Variants in ABAT observed in about 807,000 individuals in gnomAD.
ABAT encodes the protein 4-aminobutyrate aminotransferase, mitochondrial.
A neutral mutation model predicts 64.6 loss-of-function variants in ABAT; 45 were observed. That is an observed-to-expected ratio of 0.70 (90% CI 0.55 to 0.89). ABAT has a LOEUF of 0.89. ABAT is among the 40% of genes least tolerant of loss of function. ABAT has a pLI of 0.00. For missense variants in ABAT, 633 were observed against 658.4 expected (o/e 0.96, Z 0.42); for synonymous variants, 297 against 250.5 (o/e 1.19, Z -1.75).
chr16:8,739,475 T>TG (rs1221970660), intron 2 of ABAT, among the ~76,000 whole-genome samples: 1 of 152,196 alleles, frequency 6.6e-6, no homozygotes, highest in Non-Finnish European at 1.5e-5. Context: ...ACCAACACTT[T>TG]GGGAGGCTGA....
chr16:8,734,874 A>T (rs2142379400), intron 1 of ABAT, among the ~76,000 whole-genome samples: 1 of 152,190 alleles, frequency 6.6e-6, no homozygotes, highest in Non-Finnish European at 1.5e-5. Flanking sequence ...ATAAAAGGAA[A>T]CAAACTGGGG....
At chr16:8,679,284 GT>G (rs2057275860) in intron 1 of ABAT, among the ~76,000 whole-genome samples, 1 of 152,174 alleles carries the variant, frequency 6.6e-6, no homozygotes, top group African/African-American at 2.4e-5. Context: ...TCAGCTTTGA[GT>G]TTGCTGATAG....
rs1459154460 is a variant in ABAT at position 8,768,344 on chromosome 16, C to T, written c.667+88C>T. The T allele has an allele frequency of 5.3e-6, 7 of 1,326,316 alleles. No homozygotes were observed. In the East Asian group the frequency reaches 1.6e-4, roughly 31 times the overall value. 82.2% of individuals were successfully genotyped at this position (1,326,316 alleles called of 1,614,324 possible). ...AGCGGCGGCTGACATTAGCAGTTTACACATATTGTCCCACTGATTGCACAC... is the reference window on the plus strand; with the variant it reads ...AGCGGCGGCTGACATTAGCAGTTTATACATATTGTCCCACTGATTGCACAC... On this transcript the variant is annotated intron_variant, in intron 10 of 15. Coordinates refer to ENST00000268251, the MANE Select transcript of ABAT (RefSeq NM_020686.6).
chr16:8,753,092 CT>C (rs768032745), intron 5 of ABAT, among the ~76,000 whole-genome samples: 4,001 of 127,526 alleles, frequency 0.031, 141 homozygotes, highest in African/African-American at 0.09. Context: ...CAAGCTTATT[CT>C]TTTTTTTTTT....
chr16:8,710,723 A>G (rs7499025), intron 1 of ABAT, among the ~76,000 whole-genome samples: 21,006 of 64,578 alleles, frequency 0.33, 2,297 homozygotes, highest in Middle Eastern at 0.47. Context: ...AGAGAGAGAG[A>G]GAGAGAGGAA....
intron 2 of ABAT, among the ~76,000 whole-genome samples, chr16:8,739,904 A>G (rs1294067478): frequency 6.6e-6 from 1 of 151,256 alleles, no homozygotes; most frequent in African/African-American, 2.4e-5. Flanking sequence ...CTTTTGACTT[A>G]TTGATTTGGG....
intron 8 of ABAT, among the ~76,000 whole-genome samples, chr16:8,765,113 C>T (rs1326529675): frequency 6.6e-6 from 1 of 152,108 alleles, no homozygotes; most frequent in African/African-American, 2.4e-5. Flanking sequence ...GGGCAGATCA[C>T]TTGAGCCCAG....
rs539748102 is a variant in ABAT, at chr16:8,748,109, A to C, written c.170A>C (p.Glu57Ala). The C allele has an allele frequency of 3.7e-6, 6 of 1,613,552 alleles. No individual in the cohort carries two copies. Among genetic ancestry groups the C allele is most frequent in the Admixed American group, 1.7e-5 (1 of 60,006 alleles). The part of the protein sequence containing the change: ...KTEVPGPRSQ[E>A]LMKQLNIIQN... Reference sequence around the variant, plus strand: ...TGCTTTTGTTGTTCTTGCCTGCAGGAGTTAATGAAACAGCTGAATATAATT... The same window carrying C: ...TGCTTTTGTTGTTCTTGCCTGCAGGCGTTAATGAAACAGCTGAATATAATT... Residue 57 changes from glutamate to alanine, a missense_variant and splice_region_variant, in exon 4 of 16, where the codon GAG becomes GCG. Transcript: ENST00000268251.
intron 3 of ABAT, among the ~76,000 whole-genome samples, 157 bp downstream of exon 3, chr16:8,746,255 A>G (rs879728023): frequency 6.6e-6 from 1 of 152,130 alleles, no homozygotes; most frequent in Non-Finnish European, 1.5e-5. Flanking sequence ...CCATTTTGCC[A>G]TACAAAGCCA....
intron 5 of ABAT, among the ~76,000 whole-genome samples, chr16:8,757,479 C>A (rs759708818): frequency 6.6e-6 from 1 of 152,000 alleles, no homozygotes; most frequent in Non-Finnish European, 1.5e-5. Context: ...ATTTATCTCA[C>A]CTTATGTTTA....
intron 1 of ABAT, among the ~76,000 whole-genome samples, chr16:8,681,294 A>G (rs2057327363): frequency 6.6e-6 from 1 of 151,358 alleles, no homozygotes; most frequent in Non-Finnish European, 1.5e-5. Context: ...CCTGGCCCAG[A>G]GTTCTTTATA....
At chr16:8,702,139 A>G (rs1180427622) in intron 1 of ABAT, among the ~76,000 whole-genome samples, 1 of 152,170 alleles carries the variant, frequency 6.6e-6, no homozygotes, top group Non-Finnish European at 1.5e-5. Context: ...CTGTACAGGA[A>G]GTATAGCAGC....
At chr16:8,733,519 C>G (rs1365054604) in intron 1 of ABAT, among the ~76,000 whole-genome samples, 4 of 151,900 alleles carry the variant, frequency 2.6e-5, no homozygotes, top group Admixed American at 1.3e-4. Flanking sequence ...GAGATCACGC[C>G]GCTGCACTCC....
intron 5 of ABAT, among the ~76,000 whole-genome samples, chr16:8,751,999 C>G (rs558493410): frequency 4.6e-5 from 7 of 152,350 alleles, no homozygotes; most frequent in Admixed American, 1.3e-4. Flanking sequence ...TGTCCCTTCA[C>G]AGGTAATGCT....
chr16:8,762,473 C>T (rs1434513818), intron 6 of ABAT, among the ~76,000 whole-genome samples: 2 of 152,150 alleles, frequency 1.3e-5, no homozygotes, highest in African/African-American at 4.8e-5. Flanking sequence ...AAGTGAGTTG[C>T]CCAAGGTTGC....
intron 2 of ABAT, chr16:8,736,872 G>C (rs1394298515): frequency 6.6e-6 from 1 of 152,174 alleles, no homozygotes; most frequent in Non-Finnish European, 1.5e-5. Flanking sequence ...TCTGGAGACA[G>C]AGCCGCCAGC....
intron 15 of ABAT, chr16:8,780,459 G>C (rs987310641): frequency 3.3e-5 from 5 of 153,450 alleles, no homozygotes; most frequent in Admixed American, 3.2e-4. Context: ...ATGAGAAAAC[G>C]TGGTCTCAAA....
At chr16:8,757,410 C>A in intron 5 of ABAT, 1 of 361,318 alleles carries the variant, frequency 2.8e-6, no homozygotes, top group South Asian at 2.2e-5. Context: ...TCAAGTGATC[C>A]ACCCGCCTTG....
intron 9 of ABAT, 124 bp downstream of exon 9, chr16:8,766,394 C>T (rs2059945521): frequency 2.2e-6 from 2 of 897,858 alleles, no homozygotes; most frequent in African/African-American, 1.7e-5. Context: ...GTGGCTCATG[C>T]CTGTAATCCC....
Sources: allele counts gnomAD v4.1 joint callset (sites outside exome capture counted in the v4.1 genomes callset), GRCh38; gene constraint gnomAD v4.1.1; transcripts MANE v1.5; gene names NCBI Gene and HGNC (gene_info 2026-07-23, HGNC 2026-07-21).